The following RAD17 variants were observed in gnomAD, a reference collection of about 807,000 sequenced individuals.
The protein encoded by RAD17 is RAD17 checkpoint clamp loader component.
RAD17 carries 31 observed loss-of-function variants against 81.5 expected under a neutral mutation model. The observed-to-expected ratio is 0.38, with a 90% CI of 0.29 to 0.51. The LOEUF (loss-of-function observed/expected upper bound fraction) is 0.51. Ranked by LOEUF, RAD17 falls within the 20% of genes least tolerant of loss-of-function variation. RAD17 has a pLI of 0.88. For missense variants in RAD17, 681 were observed against 781.2 expected (o/e 0.87, Z 1.53); for synonymous variants, 261 against 266.2 (o/e 0.98, Z 0.19).
chr5:69,403,836 A>T (rs1484343882), intron 17 of RAD17, among the ~76,000 whole-genome samples: 1 of 152,068 alleles, frequency 6.6e-6, no homozygotes, highest in Non-Finnish European at 1.5e-5. Flanking sequence ...TAAGGGGATC[A>T]CTTGAGCCCG....
At chr5:69,406,603 GTGATC>G in intron 17 of RAD17, among the ~76,000 whole-genome samples, 1 of 152,196 alleles carries the variant, frequency 6.6e-6, no homozygotes, top group East Asian at 1.9e-4. Context: ...CTTGGCCCAA[GTGATC>G]CTCCTACCTC....
chr5:69,382,679 C>G (rs563563076), intron 7 of RAD17, among the ~76,000 whole-genome samples: 3 of 152,202 alleles, frequency 2.0e-5, no homozygotes, highest in African/African-American at 7.2e-5. Flanking sequence ...TGCCCCCCAA[C>G]AAGATAGCTT....
intron 5 of RAD17, 74 bp downstream of exon 5, chr5:69,374,161 A>G: frequency 7.8e-7 from 1 of 1,283,374 alleles, no homozygotes; most frequent in South Asian, 1.5e-5. Flanking sequence ...AAGCAGAGGG[A>G]TTTACATTTT....
intron 12 of RAD17, among the ~76,000 whole-genome samples, chr5:69,390,016 GAT>G (rs1295575690): frequency 2.0e-5 from 3 of 152,122 alleles, no homozygotes; most frequent in South Asian, 2.1e-4. Context: ...AAATTTATGA[GAT>G]ATGTTTAATA....
At chr5:69,388,579 GT>G in intron 11 of RAD17, among the ~76,000 whole-genome samples, 1 of 152,176 alleles carries the variant, frequency 6.6e-6, no homozygotes, top group African/African-American at 2.4e-5. Context: ...ATAGACCAGT[GT>G]TTAGCATGAA....
rs530494969 is a variant in RAD17 at position 69,404,799 on chromosome 5, G to A, written c.1693+4630G>A. On this transcript the variant is annotated intron_variant, in intron 17 of 18. Coordinates refer to ENST00000354868, the MANE Select transcript of RAD17 (RefSeq NM_133338.3). ...AAAAAAAAAATAGATAAAATTAGCC[G>A]GGTGTAGTGGCACACACCTGTAGTC... 2.6e-5 allele frequency among the ~76,000 whole-genome samples: 4 copies of A among 152,080 alleles called. No homozygotes were observed. The South Asian group carries it at 6.2e-4, about 24-fold the overall frequency.
At chr5:69,411,435 T>C (rs1765992593) in intron 18 of RAD17, among the ~76,000 whole-genome samples, 1 of 152,104 alleles carries the variant, frequency 6.6e-6, no homozygotes, top group African/African-American at 2.4e-5. Flanking sequence ...AAAAAAATCT[T>C]GCTTACTGAA....
At chr5:69,386,158 T>C (rs755438080) in intron 9 of RAD17, 22 bp from the exon 10 acceptor site, 1 of 1,600,152 alleles carries the variant, frequency 6.2e-7, no homozygotes, top group Admixed American at 1.7e-5. Context: ...AATTTCAACA[T>C]TGCTGTATTT....
At chr5:69,408,137 T>C (rs1227093187) in intron 17 of RAD17, among the ~76,000 whole-genome samples, 3 of 151,760 alleles carry the variant, frequency 2.0e-5, no homozygotes, top group Non-Finnish European at 1.5e-5. Flanking sequence ...CAGTTTCTTT[T>C]ACCCACCTTT....
chr5:69,382,376 T>G (rs956438184), intron 7 of RAD17, among the ~76,000 whole-genome samples: 9 of 152,118 alleles, frequency 5.9e-5, no homozygotes, highest in Non-Finnish European at 1.0e-4. Context: ...GCCCATGAGT[T>G]CAAGGTTGCA....
chr5:69,411,947 G>A (rs939670853), intron 18 of RAD17, among the ~76,000 whole-genome samples: 1 of 152,086 alleles, frequency 6.6e-6, no homozygotes, highest in Non-Finnish European at 1.5e-5. Context: ...TGACTTGAGA[G>A]GCAGTATTTT....
At chr5:69,369,614 C>G (rs1453385095), upstream of RAD17, 1 of 1,578,418 alleles carries the variant, frequency 6.3e-7, no homozygotes, top group Admixed American at 1.9e-5. Flanking sequence ...CACCGCGGCG[C>G]CCCTAGCCTG....
At chr5:69,388,349 T>C (rs185089510) in intron 11 of RAD17, among the ~76,000 whole-genome samples, 2 of 152,320 alleles carry the variant, frequency 1.3e-5, no homozygotes, top group Non-Finnish European at 2.9e-5. Flanking sequence ...ATTAGTTAGA[T>C]TATTTTGTGT....
chr5:69,398,549 G>A (rs1765044647), intron 16 of RAD17, among the ~76,000 whole-genome samples: 1 of 152,114 alleles, frequency 6.6e-6, no homozygotes, highest in Non-Finnish European at 1.5e-5. Context: ...ACTCACACCT[G>A]TAATCCCAGC....
intron 11 of RAD17, among the ~76,000 whole-genome samples, chr5:69,387,112 A>G (rs1260933873): frequency 6.6e-6 from 1 of 151,708 alleles, no homozygotes; most frequent in Non-Finnish European, 1.5e-5. Flanking sequence ...TTTTTTAGAG[A>G]CAGGGTCTCT....
At chr5:69,411,684 A>G (rs1260107852) in intron 18 of RAD17, among the ~76,000 whole-genome samples, 1 of 152,192 alleles carries the variant, frequency 6.6e-6, no homozygotes, top group African/African-American at 2.4e-5. Context: ...GCATCGTCCC[A>G]CTGGGATGTG....
chr5:69,369,610 G>A (rs370324042), upstream of RAD17: 4 of 1,579,460 alleles, frequency 2.5e-6, no homozygotes, highest in Non-Finnish European at 3.4e-6. Flanking sequence ...AGCCCACCGC[G>A]GCGCCCCTAG....
chr5:69,372,121 A>C lies in RAD17; in HGVS notation c.-88A>C, dbSNP rs928168661. On this transcript the variant is annotated 5_prime_UTR_variant, in exon 4 of 19. Coordinates refer to ENST00000354868, the MANE Select transcript of RAD17 (RefSeq NM_133338.3). ...CAGAATTGCTGTCGAAAGTTTTACT[A>C]TAATGAAAGATATTTTCATACTCTC... 1.7e-5 allele frequency: 25 copies of C among 1,494,540 alleles called. 1 individual carries two copies. In the Middle Eastern group the frequency reaches 5.4e-4, roughly 32 times the overall value. 92.6% of individuals were successfully genotyped at this position (1,494,540 alleles called of 1,614,324 possible).
chr5:69,398,127 AAG>A (rs1765018333), intron 16 of RAD17, among the ~76,000 whole-genome samples: 1 of 152,056 alleles, frequency 6.6e-6, no homozygotes, highest in African/African-American at 2.4e-5. Flanking sequence ...AAAAAAAAAA[AAG>A]AAAATCACTA....
Sources: allele counts gnomAD v4.1 joint callset (sites outside exome capture counted in the v4.1 genomes callset), GRCh38; gene constraint gnomAD v4.1.1; transcripts MANE v1.5; gene names NCBI Gene and HGNC (gene_info 2026-07-23, HGNC 2026-07-21).